DACH2: variants seen among roughly 807,000 people sequenced by gnomAD.
DACH2 encodes the protein dachshund family transcription factor 2.
In DACH2, 17 loss-of-function variants were observed where a neutral mutation model predicts 35.8. The ratio of observed to expected loss-of-function variants is 0.48; its 90% CI spans 0.33 to 0.71. The LOEUF (loss-of-function observed/expected upper bound fraction) is 0.71, where lower values mean the gene tolerates loss of function less well. Ranked by LOEUF, DACH2 falls within the 30% of genes least tolerant of loss-of-function variation. DACH2 has a pLI of 0.02. For synonymous variants in DACH2, 195 were observed against 177.3 expected, an observed-to-expected ratio of 1.10 and a Z score of -0.79; for missense variants, 469 against 472.7, an observed-to-expected ratio of 0.99 and a Z score of 0.07.
chrX:86,171,617 T>A (rs903266523), intron 1 of DACH2, among the ~76,000 whole-genome samples: 1 of 111,377 alleles, frequency 9.0e-6, no homozygotes, highest in South Asian at 3.8e-4. Flanking sequence ...GGGATTTGTC[T>A]GCTCTAACAT....
chrX:86,277,817 A>G lies in DACH2; in HGVS notation c.489-99007A>G, dbSNP rs935455169. On this transcript the variant is annotated intron_variant, in intron 1 of 11. Coordinates refer to ENST00000373125, the MANE Select transcript of DACH2 (RefSeq NM_053281.3). Reference sequence around the variant, plus strand: ...GGAAGAACTCAACGTCCACCATTCTATAGTCGTTTGGCATTTGAAGCAAAT... The same window carrying G: ...GGAAGAACTCAACGTCCACCATTCTGTAGTCGTTTGGCATTTGAAGCAAAT... Among the ~76,000 whole-genome samples the G allele has an allele frequency of 3.6e-5, 4 of 112,132 alleles. No homozygotes were observed. In the East Asian group the frequency reaches 1.1e-3, roughly 31 times the overall value.
chrX:86,246,003 TA>T (rs2033274154), intron 1 of DACH2, among the ~76,000 whole-genome samples: 1 of 111,208 alleles, frequency 9.0e-6, no homozygotes, highest in Non-Finnish European at 1.9e-5. Flanking sequence ...AAAAATAAAC[TA>T]CAGGAATTTC....
At chrX:86,474,346 C>T (rs2037807812) in intron 2 of DACH2, among the ~76,000 whole-genome samples, 1 of 111,578 alleles carries the variant, frequency 9.0e-6, no homozygotes, top group African/African-American at 3.3e-5. Flanking sequence ...CTTTGCTGTG[C>T]ATAAGCATTT....
rs151003074 is a variant in DACH2, at chrX:86,181,648, G to A, written c.488+32540G>A. Among the ~76,000 whole-genome samples, 48 of 111,347 alleles carry A rather than the reference G, an allele frequency of 4.3e-4. No individual in the cohort carries two copies. The East Asian group carries it at 0.011, about 26-fold the overall frequency. ...GTGAACAGTGCCGCAATAAACATAC[G>A]TGTGCATGTGTCTATATAGTAGAGT... On this transcript the variant is annotated intron_variant, in intron 1 of 11. Coordinates refer to ENST00000373125, the MANE Select transcript of DACH2 (RefSeq NM_053281.3).
chrX:86,600,217 A>AT (rs1397746618), intron 3 of DACH2, among the ~76,000 whole-genome samples: 2 of 111,475 alleles, frequency 1.8e-5, no homozygotes, highest in Non-Finnish European at 1.9e-5. Context: ...TTTAATAAAT[A>AT]TTTTTTCTTT....
chrX:86,651,423 G>A (rs770083525), intron 4 of DACH2, among the ~76,000 whole-genome samples: 13 of 110,817 alleles, frequency 1.2e-4, no homozygotes, highest in Non-Finnish European at 1.7e-4. Flanking sequence ...TTCCTATAAT[G>A]TTAGCCATTG....
intron 1 of DACH2, among the ~76,000 whole-genome samples, chrX:86,181,154 G>A (rs867502047): frequency 2.0e-5 from 2 of 101,445 alleles, no homozygotes; most frequent in African/African-American, 3.7e-5. Context: ...ATGTCTGACT[G>A]TCTATCTATC....
At chrX:86,736,882 C>T (rs1054598345) in intron 6 of DACH2, among the ~76,000 whole-genome samples, 1 of 111,195 alleles carries the variant, frequency 9.0e-6, no homozygotes, top group African/African-American at 3.3e-5. Flanking sequence ...CATTGAATTA[C>T]ACATATTTAA....
At chrX:86,195,478 G>A (rs902628501) in intron 1 of DACH2, among the ~76,000 whole-genome samples, 35 of 111,173 alleles carry the variant, frequency 3.1e-4, no homozygotes, top group Non-Finnish European at 5.3e-4. Flanking sequence ...ACAGTTGCCA[G>A]CAGGGGCTGC....
chrX:86,581,234 T>C (rs757681487), intron 3 of DACH2, among the ~76,000 whole-genome samples: 11 of 111,759 alleles, frequency 9.8e-5, no homozygotes, highest in Non-Finnish European at 2.1e-4. Context: ...GGATGCTAAA[T>C]ATGGAAAGGA....
At chrX:86,291,196 A>G (rs1380798295) in intron 1 of DACH2, among the ~76,000 whole-genome samples, 2 of 108,485 alleles carry the variant, frequency 1.8e-5, no homozygotes, top group Admixed American at 1.0e-4. Flanking sequence ...ATTGTGAATG[A>G]GAGTTCACTC....
At position 86,470,651 on chromosome X, in the gene DACH2, G is replaced by A. The variant is rs1162020636; in HGVS notation, c.528-43628G>A. Among the ~76,000 whole-genome samples the A allele has an allele frequency of 3.6e-5, 4 of 111,007 alleles. No homozygotes were observed. In the East Asian group the frequency reaches 8.5e-4, roughly 23 times the overall value. On this transcript the variant is annotated intron_variant, in intron 2 of 11. Transcript: ENST00000373125. The stretch of plus-strand genomic sequence containing the variant: ...CAAAAGGTGGAACAGTGACTGGGAG[G>A]TGGGTGAGGGATGAGAAATTACCTA...
At chrX:86,425,859 C>A (rs1207485205) in intron 2 of DACH2, among the ~76,000 whole-genome samples, 2 of 110,501 alleles carry the variant, frequency 1.8e-5, no homozygotes, top group Non-Finnish European at 3.8e-5. Flanking sequence ...CCCCGGGCAA[C>A]ATCAAATAAC....
At chrX:86,773,991 T>A (rs1310371010) in intron 7 of DACH2, among the ~76,000 whole-genome samples, 1 of 111,979 alleles carries the variant, frequency 8.9e-6, no homozygotes, top group Admixed American at 9.5e-5. Flanking sequence ...TTTCATTTCT[T>A]AAGGAACCTC....
At chrX:86,827,367 G>A (rs1390896683) in intron 11 of DACH2, among the ~76,000 whole-genome samples, 5 of 111,012 alleles carry the variant, frequency 4.5e-5, no homozygotes, top group Non-Finnish European at 9.4e-5. Context: ...AGCTAGTTAC[G>A]CATTTTGCTG....
chrX:86,305,742 A>G lies in DACH2; in HGVS notation c.489-71082A>G, dbSNP rs1156589793. On this transcript the variant is annotated intron_variant, in intron 1 of 11. Transcript: ENST00000373125. ...AACAACTCGATAGCAGAAAAAAAAA[A>G]CACCCTAAATAATCTGATTTAAAAA... is the stretch of plus-strand genomic sequence containing the variant. Among the ~76,000 whole-genome samples the G allele has an allele frequency of 1.8e-5, 2 of 111,654 alleles. 1 individual carries two copies. The highest frequency in any genetic ancestry group is 5.7e-4 in the East Asian group (2 of 3,533).
chrX:86,215,611 G>C (rs1057342127), intron 1 of DACH2, among the ~76,000 whole-genome samples: 4 of 111,509 alleles, frequency 3.6e-5, no homozygotes, highest in Middle Eastern at 4.2e-3. Context: ...CTTTGATTGA[G>C]GTTACATGTA....
chrX:86,692,691 A>G (rs2041024151), intron 4 of DACH2, among the ~76,000 whole-genome samples: 1 of 112,015 alleles, frequency 8.9e-6, no homozygotes, highest in Non-Finnish European at 1.9e-5. Flanking sequence ...ATCATATTGT[A>G]TAATTTAATG....
chrX:86,593,584 G>T (rs1438730901), intron 3 of DACH2, among the ~76,000 whole-genome samples: 2 of 108,346 alleles, frequency 1.8e-5, no homozygotes, highest in African/African-American at 6.8e-5. Flanking sequence ...CCTAAATCAT[G>T]CTTGGCTAAG....
Sources: gnomAD v4.1 joint callset for allele counts (sites outside exome capture counted in the v4.1 genomes callset) on GRCh38, gnomAD v4.1.1 for gene constraint, MANE v1.5 for transcripts, NCBI Gene and HGNC (gene_info 2026-07-23, HGNC 2026-07-21) for gene names.